TFPI: variants seen among roughly 807,000 people sequenced by gnomAD.
The protein encoded by TFPI is anti-convertin.
A neutral mutation model predicts 34.6 loss-of-function variants in TFPI; 15 were observed. The observed-to-expected ratio is 0.43, with a 90% CI of 0.29 to 0.67. TFPI has a LOEUF of 0.67. TFPI is among the 30% of genes least tolerant of loss of function. TFPI has a pLI of 0.15. For missense variants in TFPI, 301 were observed against 364.0 expected (o/e 0.83, Z 1.41); for synonymous variants, 105 against 120.1 (o/e 0.87, Z 0.82).
At chr2:187,514,042 C>T (rs929280806) in intron 1 of TFPI, 19 of 152,264 alleles carry the variant, frequency 1.2e-4, no homozygotes, top group African/African-American at 2.4e-4. Context: ...TCTTGCCCCC[C>T]GATGTAGAGC....
intron 1 of TFPI, among the ~76,000 whole-genome samples, chr2:187,521,699 G>C (rs916872550): frequency 6.6e-6 from 1 of 152,002 alleles, no homozygotes; most frequent in African/African-American, 2.4e-5. Context: ...ATCCCGAGTA[G>C]CTGGGATTAC....
At chr2:187,550,140 G>C (rs1330127675) in intron 1 of TFPI, among the ~76,000 whole-genome samples, 1 of 152,098 alleles carries the variant, frequency 6.6e-6, no homozygotes, top group African/African-American at 2.4e-5. Context: ...AGAGAGGACA[G>C]AGTTACACAG....
At chr2:187,502,805 A>G (rs1685940673) in intron 2 of TFPI, among the ~76,000 whole-genome samples, 1 of 152,170 alleles carries the variant, frequency 6.6e-6, no homozygotes, top group African/African-American at 2.4e-5. Flanking sequence ...CCTTCCACAG[A>G]TTCAGGCCCA....
Position 187,484,186 on chromosome 2 carries a change from G to T in TFPI, c.566C>A (p.Thr189Asn). The T allele has an allele frequency of 6.2e-7, 1 of 1,612,138 alleles. No individual in the cohort carries two copies. The highest frequency in any genetic ancestry group is 8.5e-7 in the Non-Finnish European group (1 of 1,178,744). Reference sequence around the variant, plus strand: ...GGAGTTATTCACAGCATTGAGCTGGGTTCCATAATTATCCACCTGGAAACC... The same window carrying T: ...GGAGTTATTCACAGCATTGAGCTGGTTTCCATAATTATCCACCTGGAAACC... ...PNGFQVDNYG[T>N]QLNAVNNSLT... Residue 189 changes from threonine to asparagine, a missense_variant, in exon 6 of 8, where the codon ACC becomes AAC. Coordinates refer to ENST00000233156, the MANE Select transcript of TFPI (RefSeq NM_006287.6).
At position 187,529,098 on chromosome 2, in the gene TFPI, G is replaced by A. The variant is rs190929727; in HGVS notation, c.-3+25102C>T. Among the ~76,000 whole-genome samples the A allele has an allele frequency of 5.3e-5, 8 of 152,146 alleles. No homozygotes were observed. In the East Asian group the frequency reaches 1.2e-3, roughly 22 times the overall value. ...TGATAGTTAACTGGTAAAAACAAAC[G>A]AACACGAATAAAAAAGCCTCAATGC... is the stretch of plus-strand genomic sequence containing the variant. On this transcript the variant is annotated intron_variant, in intron 1 of 7. Transcript: ENST00000233156.
At chr2:187,505,420 T>C (rs1032686845) in intron 1 of TFPI, among the ~76,000 whole-genome samples, 1 of 152,150 alleles carries the variant, frequency 6.6e-6, no homozygotes, top group African/African-American at 2.4e-5. Flanking sequence ...TTCTAGAATA[T>C]GTGGAACAAT....
At chr2:187,505,952 C>A (rs1290464422) in intron 1 of TFPI, among the ~76,000 whole-genome samples, 5 of 151,614 alleles carry the variant, frequency 3.3e-5, no homozygotes, top group African/African-American at 1.2e-4. Context: ...TGACTATATA[C>A]CACAGCAAGC....
chr2:187,475,071 A>G (rs1160260438), intron 6 of TFPI, among the ~76,000 whole-genome samples: 2 of 152,110 alleles, frequency 1.3e-5, no homozygotes, highest in Non-Finnish European at 2.9e-5. Context: ...GAAGTCACCT[A>G]TTTATTTATC....
At chr2:187,470,028 T>G (rs1691943830) in intron 6 of TFPI, among the ~76,000 whole-genome samples, 1 of 152,140 alleles carries the variant, frequency 6.6e-6, no homozygotes, top group South Asian at 2.1e-4. Flanking sequence ...ACAAAAGAGA[T>G]GCACTAGATG....
intron 3 of TFPI, among the ~76,000 whole-genome samples, chr2:187,495,897 C>T (rs1233929480): frequency 6.6e-6 from 1 of 151,696 alleles, no homozygotes; most frequent in African/African-American, 2.4e-5. Context: ...CTTATTCTAT[C>T]CCTTGAGTAA....
At chr2:187,528,213 G>T (rs4667168) in intron 1 of TFPI, among the ~76,000 whole-genome samples, 6 of 151,928 alleles carry the variant, frequency 3.9e-5, no homozygotes, top group Non-Finnish European at 8.8e-5. Flanking sequence ...AGAGAAGGGC[G>T]TAGGTCTAAA....
chr2:187,504,586 GAAA>G (rs1686074147), intron 1 of TFPI, among the ~76,000 whole-genome samples: 2 of 149,436 alleles, frequency 1.3e-5, no homozygotes, highest in African/African-American at 4.9e-5. Context: ...AAAAAGAAAA[GAAA>G]GAAGTAAGTC....
chr2:187,491,913 A>G (rs1190207646), intron 3 of TFPI, among the ~76,000 whole-genome samples: 1 of 152,076 alleles, frequency 6.6e-6, no homozygotes, highest in Non-Finnish European at 1.5e-5. Flanking sequence ...ATAATATGGT[A>G]TCTCATTGTG....
At chr2:187,472,563 C>CT (rs8176570) in intron 6 of TFPI, among the ~76,000 whole-genome samples, 29 of 152,144 alleles carry the variant, frequency 1.9e-4, no homozygotes, top group African/African-American at 7.0e-4. Context: ...CTATTCAACA[C>CT]TTTTTTCTTC....
chr2:187,546,290 T>G (rs1688856932), intron 1 of TFPI, among the ~76,000 whole-genome samples: 1 of 151,860 alleles, frequency 6.6e-6, no homozygotes, highest in South Asian at 2.1e-4. Context: ...AAGTTTTTTT[T>G]TTTTTTTTTC....
At chr2:187,536,605 A>T (rs578211244) in intron 1 of TFPI, among the ~76,000 whole-genome samples, 1 of 152,330 alleles carries the variant, frequency 6.6e-6, no homozygotes, top group Admixed American at 6.5e-5. Context: ...AGAGCTATTT[A>T]TGACAAACTC....
At chr2:187,525,031 A>G (rs559358373) in intron 1 of TFPI, among the ~76,000 whole-genome samples, 2 of 151,468 alleles carry the variant, frequency 1.3e-5, no homozygotes, top group African/African-American at 4.9e-5. Flanking sequence ...AATATGTGAA[A>G]GAGAGGTCAA....
intron 1 of TFPI, among the ~76,000 whole-genome samples, chr2:187,508,622 G>A (rs542311880): frequency 1.3e-5 from 2 of 152,074 alleles, no homozygotes; most frequent in African/African-American, 4.8e-5. Flanking sequence ...TCTGTTATTG[G>A]TGTATAGGAA....
chr2:187,479,626 C>T (rs1178353118), intron 6 of TFPI, among the ~76,000 whole-genome samples: 1 of 126,762 alleles, frequency 7.9e-6, no homozygotes, highest in Non-Finnish European at 1.6e-5. Flanking sequence ...AAATATAAAA[C>T]TATTTTTGTA....
Sources: allele counts gnomAD v4.1 joint callset (sites outside exome capture counted in the v4.1 genomes callset), GRCh38; gene constraint gnomAD v4.1.1; transcripts MANE v1.5; gene names NCBI Gene and HGNC (gene_info 2026-07-23, HGNC 2026-07-21).